C10orf90: variants seen among roughly 807,000 people sequenced by gnomAD.
The protein encoded by C10orf90 is chromosome 10 open reading frame 90.
Under a neutral mutation model 62.5 loss-of-function variants are expected in C10orf90, and 56 were observed. That is an observed-to-expected ratio of 0.90 (90% CI 0.72 to 1.12). The LOEUF (loss-of-function observed/expected upper bound fraction) is 1.12, where lower values mean the gene tolerates loss of function less well. C10orf90 is among the 50% of genes most tolerant of loss of function. C10orf90 has a pLI of 0.00. For missense variants in C10orf90, 970 were observed against 880.4 expected, an observed-to-expected ratio of 1.10 and a Z score of -1.29; for synonymous variants, 386 against 340.4, an observed-to-expected ratio of 1.13 and a Z score of -1.47.
chr10:126,428,043 T>C (rs550402485), intron 8 of C10orf90, among the ~76,000 whole-genome samples: 412 of 152,270 alleles, frequency 2.7e-3, no homozygotes, highest in Non-Finnish European at 5.0e-3. Context: ...ATCTATACGA[T>C]GGACCACTCT....
chr10:126,510,522 T>C (rs949875891), intron 3 of C10orf90, among the ~76,000 whole-genome samples: 1 of 152,244 alleles, frequency 6.6e-6, no homozygotes, highest in Non-Finnish European at 1.5e-5. Context: ...TCAGATTTGA[T>C]TTAAAAGGAG....
At chr10:126,631,620 C>T (rs1474991397) in intron 2 of C10orf90, among the ~76,000 whole-genome samples, 1 of 151,952 alleles carries the variant, frequency 6.6e-6, no homozygotes, top group Admixed American at 6.6e-5. Flanking sequence ...CGGCACAGTT[C>T]CTGGTGCATA....
At chr10:126,513,082 A>G (rs1319093970) in intron 3 of C10orf90, among the ~76,000 whole-genome samples, 1 of 152,224 alleles carries the variant, frequency 6.6e-6, no homozygotes, top group Non-Finnish European at 1.5e-5. Flanking sequence ...TCCATCTGTG[A>G]CAGATAGCAG....
At chr10:126,618,268 T>C (rs1335193493) in intron 2 of C10orf90, among the ~76,000 whole-genome samples, 2 of 152,168 alleles carry the variant, frequency 1.3e-5, no homozygotes, top group African/African-American at 2.4e-5. Flanking sequence ...TTCAGAGATG[T>C]TAAAATGTGA....
chr10:126,487,089 G>A (rs1861475000), intron 4 of C10orf90, among the ~76,000 whole-genome samples: 1 of 133,684 alleles, frequency 7.5e-6, no homozygotes, highest in South Asian at 2.5e-4. Flanking sequence ...AGGTTGCAGT[G>A]AGCCAAGATG....
At chr10:126,600,010 A>G (rs568091047) in intron 2 of C10orf90, among the ~76,000 whole-genome samples, 40 of 152,340 alleles carry the variant, frequency 2.6e-4, no homozygotes, top group Admixed American at 7.2e-4. Flanking sequence ...CAATTTTCTT[A>G]TTGGCCACTG....
intron 2 of C10orf90, among the ~76,000 whole-genome samples, chr10:126,577,611 T>C (rs1449905531): frequency 6.6e-6 from 1 of 152,114 alleles, no homozygotes; most frequent in Non-Finnish European, 1.5e-5. Flanking sequence ...AGTTGATTCA[T>C]AAATTCAACA....
chr10:126,605,397 G>A (rs1490456735), intron 2 of C10orf90, among the ~76,000 whole-genome samples: 1 of 152,192 alleles, frequency 6.6e-6, no homozygotes, highest in Non-Finnish European at 1.5e-5. Context: ...CCTGCCAGGT[G>A]CAAAAGGAGA....
chr10:126,614,484 C>A (rs1305989339), intron 2 of C10orf90, among the ~76,000 whole-genome samples: 1 of 152,146 alleles, frequency 6.6e-6, no homozygotes, highest in Non-Finnish European at 1.5e-5. Flanking sequence ...CTGCTCAATC[C>A]TGAAGCTACA....
rs772170467 is a variant in C10orf90 at position 126,524,634 on chromosome 10, C to T, written c.314-10695G>A. The T allele has an allele frequency of 2.5e-4, 244 of 985,572 alleles. No individual in the cohort carries two copies. In the East Asian group the frequency reaches 2.5e-3, roughly 10 times the overall value. 61.1% of individuals were successfully genotyped at this position (985,572 alleles called of 1,614,324 possible). A position where few individuals can be genotyped will look rare whatever the true frequency, so the allele number is the denominator to read the frequency against. On this transcript the variant is annotated intron_variant, in intron 2 of 9. Transcript: ENST00000488181. The stretch of plus-strand genomic sequence containing the variant: ...CATGATATGCTGGGAGGGGTCCAGA[C>T]GGCAAGGACACTAGGCTCCAGATCC...
intron 2 of C10orf90, among the ~76,000 whole-genome samples, chr10:126,612,909 A>G (rs1252106172): frequency 6.6e-6 from 1 of 152,218 alleles, no homozygotes; most frequent in South Asian, 2.1e-4. Context: ...TATGCAAGTC[A>G]TTTATAGGAA....
At position 126,504,656 on chromosome 10, in the gene C10orf90, T is replaced by C; in HGVS notation, c.835A>G (p.Asn279Asp). The C allele has an allele frequency of 1.2e-6, 2 of 1,614,192 alleles. No homozygotes were observed. Among genetic ancestry groups the C allele is most frequent in the Non-Finnish European group, 1.7e-6 (2 of 1,180,032 alleles). ...TGATGCCGACCTGGATGGGCGCCAT[T>C]GGCCAGAGCCGGGGGCGCCTGGAAC... Reference protein sequence around the residue: ...TLFQAPPALANGAHPGRHQRS... With the variant: ...TLFQAPPALADGAHPGRHQRS... The change falls in exon 4 of 10, where the codon AAT (asparagine) becomes GAT (aspartate). Residue 279 changes from asparagine to aspartate, a missense_variant. By Grantham distance (23) the Asn-to-Asp change is conservative. Transcript: ENST00000488181. The surrounding 1 kb of genome is among the most constrained non-coding windows in gnomAD (Gnocchi z 4.1).
chr10:126,603,159 GCTA>G, intron 2 of C10orf90, among the ~76,000 whole-genome samples: 1 of 150,692 alleles, frequency 6.6e-6, no homozygotes, highest in Non-Finnish European at 1.5e-5. Flanking sequence ...TTCTCACGCT[GCTA>G]ATAAAGACAC....
chr10:126,656,670 C>T (rs561437251), intron 1 of C10orf90, among the ~76,000 whole-genome samples: 33 of 152,296 alleles, frequency 2.2e-4, no homozygotes, highest in African/African-American at 7.7e-4. Context: ...AGCAGACGGG[C>T]GGCTGCCAGG....
At position 126,535,895 on chromosome 10, in the gene C10orf90, T is replaced by G. The variant is rs557408764; in HGVS notation, c.314-21956A>C. On this transcript the variant is annotated intron_variant, in intron 2 of 9. Coordinates refer to ENST00000488181, the MANE Select transcript of C10orf90 (RefSeq NM_001350921.2). ...TGCGCACTGGAATCCCTGCTCAGGG[T>G]TTCTCTTCTCCAAGAACCATCTGAC... 9.4e-4 allele frequency among the ~76,000 whole-genome samples: 143 copies of G among 152,280 alleles called. 6 individuals carry two copies. The South Asian group carries it at 0.025, about 27-fold the overall frequency.
intron 4 of C10orf90, among the ~76,000 whole-genome samples, chr10:126,500,787 T>A (rs1460651946): frequency 6.6e-6 from 1 of 152,234 alleles, no homozygotes; most frequent in Admixed American, 6.5e-5. Flanking sequence ...GATGTGCTTG[T>A]GTCTCATTTT....
intron 1 of C10orf90, among the ~76,000 whole-genome samples, chr10:126,662,093 T>A (rs200850160): frequency 6.7e-6 from 1 of 148,736 alleles, no homozygotes; most frequent in Non-Finnish European, 1.5e-5. Context: ...GTAGTCTTGT[T>A]AAAAAAAAAA....
chr10:126,664,546 CA>C (rs1031742941), intron 1 of C10orf90, among the ~76,000 whole-genome samples: 1 of 152,142 alleles, frequency 6.6e-6, no homozygotes. Context: ...CAGACAGCCT[CA>C]ACCCGGTGCT....
At chr10:126,580,730 T>C (rs527401957) in intron 2 of C10orf90, among the ~76,000 whole-genome samples, 3 of 151,276 alleles carry the variant, frequency 2.0e-5, no homozygotes, top group East Asian at 3.9e-4. Context: ...TGTGCGTGTA[T>C]GTATTGTGTT....
Sources: gnomAD v4.1 joint callset for allele counts (sites outside exome capture counted in the v4.1 genomes callset) on GRCh38, gnomAD v4.1.1 for gene constraint, Gnocchi (gnomAD v3.1) non-coding constraint, MANE v1.5 for transcripts, NCBI Gene and HGNC (gene_info 2026-07-23, HGNC 2026-07-21) for gene names.